BACH2: variants seen among roughly 807,000 people sequenced by gnomAD.
The protein encoded by BACH2 is transcription regulator protein BACH2.
A neutral mutation model predicts 61.8 loss-of-function variants in BACH2; 5 were observed. That is an observed-to-expected ratio of 0.08 (90% CI 0.04 to 0.17). BACH2 has a LOEUF of 0.17. Ranked by LOEUF, BACH2 falls within the 10% of genes least tolerant of loss-of-function variation. The pLI is 1.00. For missense variants in BACH2, 824 were observed against 1,091.1 expected (o/e 0.76, Z 3.45); for synonymous variants, 446 against 440.1 (o/e 1.01, Z -0.17).
chr6:89,945,337 A>G (rs547250188), intron 7 of BACH2, among the ~76,000 whole-genome samples: 1 of 152,218 alleles, frequency 6.6e-6, no homozygotes, highest in Non-Finnish European at 1.5e-5. Context: ...ATGGAATATT[A>G]CTCAGGAATT....
chr6:90,024,364 G>A (rs1478630831), intron 5 of BACH2, among the ~76,000 whole-genome samples: 1 of 152,130 alleles, frequency 6.6e-6, no homozygotes, highest in Non-Finnish European at 1.5e-5. Context: ...CAAGTTGTAC[G>A]TTTTCAGTAA....
intron 6 of BACH2, among the ~76,000 whole-genome samples, chr6:89,981,378 T>G (rs1220278227): frequency 6.6e-6 from 1 of 152,104 alleles, no homozygotes; most frequent in Non-Finnish European, 1.5e-5. Flanking sequence ...CCTGACCTCG[T>G]GATTTGCCCG....
intron 6 of BACH2, among the ~76,000 whole-genome samples, chr6:89,954,371 CAT>C (rs573271796): frequency 1.1e-4 from 17 of 151,544 alleles, no homozygotes; most frequent in African/African-American, 3.9e-4. Flanking sequence ...CATATGTACA[CAT>C]GTGTCATGCT....
chr6:90,095,637 A>C (rs1452878383), intron 4 of BACH2, among the ~76,000 whole-genome samples: 1 of 152,218 alleles, frequency 6.6e-6, no homozygotes, highest in Non-Finnish European at 1.5e-5. Flanking sequence ...AACAAGCCAG[A>C]AAAATAAAAA....
chr6:90,289,713 G>C (rs984699716), intron 1 of BACH2, among the ~76,000 whole-genome samples: 1 of 152,144 alleles, frequency 6.6e-6, no homozygotes, highest in East Asian at 1.9e-4. Flanking sequence ...GTGTTGGTCC[G>C]CATTCAACAC....
chr6:90,173,869 T>C (rs1441158876), intron 4 of BACH2, among the ~76,000 whole-genome samples: 1 of 152,150 alleles, frequency 6.6e-6, no homozygotes, highest in Non-Finnish European at 1.5e-5. Context: ...ATTCCAATTA[T>C]GTGATTTACA....
chr6:90,245,138 A>G (rs1180201324), intron 3 of BACH2, among the ~76,000 whole-genome samples: 1 of 152,096 alleles, frequency 6.6e-6, no homozygotes, highest in Non-Finnish European at 1.5e-5. Flanking sequence ...GGCAGAGGTT[A>G]CAGTCAGCTG....
intron 4 of BACH2, among the ~76,000 whole-genome samples, chr6:90,104,778 G>C (rs1352257444): frequency 6.6e-6 from 1 of 152,158 alleles, no homozygotes; most frequent in East Asian, 1.9e-4. Flanking sequence ...TGTGGGCTGG[G>C]GTGTCCATGT....
intron 6 of BACH2, among the ~76,000 whole-genome samples, chr6:90,000,842 A>G (rs1435583901): frequency 6.6e-6 from 1 of 152,154 alleles, no homozygotes. Flanking sequence ...AAAGTCATAA[A>G]AGTGGGAGAA....
chr6:90,220,780 A>G (rs1769711241), intron 3 of BACH2, among the ~76,000 whole-genome samples: 1 of 152,236 alleles, frequency 6.6e-6, no homozygotes, highest in South Asian at 2.1e-4. Flanking sequence ...CTGCCAAGAA[A>G]AACAATAACA....
At chr6:90,135,340 T>G (rs374278569) in intron 4 of BACH2, among the ~76,000 whole-genome samples, 1 of 152,214 alleles carries the variant, frequency 6.6e-6, no homozygotes, top group Non-Finnish European at 1.5e-5. Context: ...TAGATTATGA[T>G]GCTTCTGCAC....
At chr6:90,208,395 T>C (rs1044947335) in intron 3 of BACH2, among the ~76,000 whole-genome samples, 4 of 152,136 alleles carry the variant, frequency 2.6e-5, no homozygotes, top group Non-Finnish European at 5.9e-5. Flanking sequence ...GGGCAAAGGA[T>C]ATAGACAGAC....
rs759226728 is a variant in BACH2 at position 89,970,543 on chromosome 6, G to GT, written c.244-18682dup. On this transcript the variant is annotated intron_variant, in intron 6 of 8. Transcript: ENST00000257749. ...GCTTCAAAAAAACATAATATCAGGTGTTTTTTATTATAATGTTTGTGTGTA... is the reference window on the plus strand; with the variant it reads ...GCTTCAAAAAAACATAATATCAGGTGTTTTTTTATTATAATGTTTGTGTGTA... Among the ~76,000 whole-genome samples, 5 of 152,264 alleles carry GT rather than the reference G, an allele frequency of 3.3e-5. 1 individual carries two copies. Among genetic ancestry groups the GT allele is most frequent in the Non-Finnish European group, 1.5e-5 (1 of 68,010 alleles).
At chr6:89,934,040 T>A (rs894454323) in intron 8 of BACH2, among the ~76,000 whole-genome samples, 8 of 152,106 alleles carry the variant, frequency 5.3e-5, no homozygotes, top group Admixed American at 1.3e-4. Context: ...CATCAACAAT[T>A]TCCTGTCGTT....
chr6:90,178,682 CA>C (rs139634115), intron 4 of BACH2, among the ~76,000 whole-genome samples: 14,290 of 151,216 alleles, frequency 0.095, 803 homozygotes, highest in South Asian at 0.17. Context: ...ACTTGTCACT[CA>C]AAAAAAAAGT....
chr6:90,245,868 T>A (rs1247649452), intron 3 of BACH2, among the ~76,000 whole-genome samples: 1 of 152,230 alleles, frequency 6.6e-6, no homozygotes, highest in Non-Finnish European at 1.5e-5. Flanking sequence ...CAAAAATCTA[T>A]GAAAACTTGC....
At chr6:90,155,083 TG>T (rs1784951364) in intron 4 of BACH2, among the ~76,000 whole-genome samples, 1 of 152,200 alleles carries the variant, frequency 6.6e-6, no homozygotes, top group African/African-American at 2.4e-5. Flanking sequence ...GTAATTTATA[TG>T]GATATAATAA....
chr6:89,991,075 T>G (rs1465296606), intron 6 of BACH2, among the ~76,000 whole-genome samples: 1 of 152,236 alleles, frequency 6.6e-6, no homozygotes, highest in African/African-American at 2.4e-5. Flanking sequence ...TACAATAATT[T>G]AAACTGTCTT....
At chr6:90,293,410 T>C (rs1231707850) in intron 1 of BACH2, among the ~76,000 whole-genome samples, 1 of 152,216 alleles carries the variant, frequency 6.6e-6, no homozygotes. Context: ...TGAAAGTTAA[T>C]CCAAGTAAAA....
Sources: allele counts gnomAD v4.1 joint callset (sites outside exome capture counted in the v4.1 genomes callset), GRCh38; gene constraint gnomAD v4.1.1; transcripts MANE v1.5; gene names NCBI Gene and HGNC (gene_info 2026-07-23, HGNC 2026-07-21).